Variants in ANGPT4 observed in about 807,000 individuals in gnomAD.
ANGPT4 encodes angiopoietin-4.
A neutral mutation model predicts 53.0 loss-of-function variants in ANGPT4; 50 were observed. The observed-to-expected ratio is 0.94, with a 90% confidence interval of 0.75 to 1.20. ANGPT4 has a LOEUF of 1.20. ANGPT4 is among the 50% of genes most tolerant of loss of function. ANGPT4 has a pLI of 0.00. For synonymous variants in ANGPT4, 251 were observed against 259.7 expected (o/e 0.97, Z 0.32); for missense variants, 648 against 637.1 (o/e 1.02, Z -0.18).
At chr20:889,872 C>G (rs1051292645) in intron 2 of ANGPT4, among the ~76,000 whole-genome samples, 1 of 152,196 alleles carries the variant, frequency 6.6e-6, no homozygotes, top group African/African-American at 2.4e-5. Context: ...CCCAGAGGCC[C>G]AGTGAATTGT....
At chr20:899,396 T>C (rs7262786) in intron 1 of ANGPT4, among the ~76,000 whole-genome samples, 1,587 of 152,024 alleles carry the variant, frequency 0.01, 32 homozygotes, top group African/African-American at 0.036. Flanking sequence ...TACAGGTGCC[T>C]GCCACCACGC....
chr20:897,273 C>G lies in ANGPT4; in HGVS notation c.310-6905G>C, dbSNP rs113304743. Among the ~76,000 whole-genome samples, 1,391 of 152,294 alleles carry G rather than the reference C, an allele frequency of 9.1e-3. 13 individuals are homozygous for G. The highest frequency in any genetic ancestry group is 0.014 in the Non-Finnish European group (984 of 68,030). Reference sequence around the variant, plus strand: ...GGACAGGAGGACTCCTTCAGGAGACCGGTCCCCTGTCCTTGCCCTCATTCC... The same window carrying G: ...GGACAGGAGGACTCCTTCAGGAGACGGGTCCCCTGTCCTTGCCCTCATTCC... On this transcript the variant is annotated intron_variant, in intron 1 of 8. Coordinates refer to ENST00000381922, the MANE Select transcript of ANGPT4 (RefSeq NM_015985.4).
Position 879,832 on chromosome 20 carries a change from T to C in ANGPT4, c.968A>G (p.Gln323Arg). 6.2e-7 allele frequency: 1 copy of C among 1,612,794 alleles called. No individual in the cohort carries two copies. The highest frequency in any genetic ancestry group is 8.5e-7 in the Non-Finnish European group (1 of 1,179,358). ...GAGGGTCCACCTGCCTCCACTGCTC[T>C]GCAGGTCACAGAACACCTGGAGGGG... The part of the protein sequence containing the change: ...TKPRKVFCDL[Q>R]SSGGRWTLIQ... Residue 323 changes from glutamine to arginine, a missense_variant, in exon 6 of 9, where the codon CAG becomes CGG. Coordinates refer to ENST00000381922, the MANE Select transcript of ANGPT4 (RefSeq NM_015985.4).
At chr20:898,410 C>G (rs1982139393) in intron 1 of ANGPT4, among the ~76,000 whole-genome samples, 1 of 152,206 alleles carries the variant, frequency 6.6e-6, no homozygotes, top group South Asian at 2.1e-4. Flanking sequence ...TGACCTCTCC[C>G]AGATCAGTTA....
chr20:909,491 G>A (rs1982616370), intron 1 of ANGPT4, among the ~76,000 whole-genome samples: 2 of 152,274 alleles, frequency 1.3e-5, no homozygotes, highest in Middle Eastern at 3.4e-3. Context: ...GGGAACAAAA[G>A]GAAACTATAG....
rs1168980255 is a variant in ANGPT4 at position 881,191 on chromosome 20, T to G, written c.931A>C (p.Asn311His). The G allele has an allele frequency of 1.3e-6, 2 of 1,596,372 alleles. No individual in the cohort carries two copies. The highest frequency in any genetic ancestry group is 2.3e-5 in the South Asian group (2 of 88,610). Residue 311 changes from asparagine (N) to histidine (H), a missense_variant, in exon 5 of 9, where the codon AAT becomes CAT. Asn to His is a moderately conservative substitution (Grantham distance 68). Transcript: ENST00000381922. ...CTAACCTTCCTGGGCTTCGTTGCAT[T>G]GGACACCTGGATGGTGTAGACACCA... The part of the protein sequence containing the change: ...ASGVYTIQVS[N>H]ATKPRKVFCD...
rs778257398 is a variant in ANGPT4 at position 885,064 on chromosome 20, C to T, written c.835+14G>A. 11 of 1,613,472 alleles carry T rather than the reference C, an allele frequency of 6.8e-6. No homozygotes were observed. Among genetic ancestry groups the T allele is most frequent in the Non-Finnish European group, 7.6e-6 (9 of 1,179,892 alleles). ...CCGTCTTTAGCCACACTGGGGCGCA[C>T]ACCGCTCACTCACCCGGGGCCGAGG... is the stretch of plus-strand genomic sequence containing the variant. On this transcript the variant is annotated intron_variant, in intron 4 of 8. Transcript: ENST00000381922.
chr20:899,696 AC>A (rs955777611), intron 1 of ANGPT4, among the ~76,000 whole-genome samples: 24 of 151,942 alleles, frequency 1.6e-4, no homozygotes, highest in African/African-American at 5.8e-4. Flanking sequence ...TTGCCTATCC[AC>A]CCTGTGGTGC....
At chr20:895,529 A>G (rs1982012087) in intron 1 of ANGPT4, among the ~76,000 whole-genome samples, 1 of 152,130 alleles carries the variant, frequency 6.6e-6, no homozygotes, top group South Asian at 2.1e-4. Flanking sequence ...TCTTGAAGGA[A>G]AAGAAAGAAA....
chr20:879,949 G>A (rs368788976), intron 5 of ANGPT4, 101 bp from the exon 6 acceptor site: 161 of 695,138 alleles, frequency 2.3e-4, no homozygotes, highest in Middle Eastern at 3.9e-4. Flanking sequence ...CCCCCACAGA[G>A]CAACAGGTGA....
chr20:903,105 C>A (rs1485731998), intron 1 of ANGPT4, among the ~76,000 whole-genome samples: 1 of 152,170 alleles, frequency 6.6e-6, no homozygotes, highest in Non-Finnish European at 1.5e-5. Flanking sequence ...CAGGGTACGA[C>A]CCAGGCTTTA....
intron 1 of ANGPT4, among the ~76,000 whole-genome samples, chr20:895,972 G>A (rs1431753802): frequency 6.6e-6 from 1 of 152,084 alleles, no homozygotes; most frequent in Non-Finnish European, 1.5e-5. Context: ...TGATTTTGCT[G>A]GTGGTTACAT....
rs987928046 is a variant in ANGPT4, at chr20:888,389, C to A, written c.516G>T (p.Leu172=). ...RMDAQMPETF[L]STNKLENQLL... ...GCTGGTTCTCCAGCTTGTTGGTGGA[C>A]AGAAAGGTCTCTGGCATCTGGGCAT... Residue 172 remains leucine, a synonymous_variant, in exon 3 of 9, where the codon CTG becomes CTT. Transcript: ENST00000381922. The A allele has an allele frequency of 8.1e-6, 13 of 1,613,704 alleles. No individual in the cohort carries two copies. The highest frequency in any genetic ancestry group is 9.3e-6 in the Non-Finnish European group (11 of 1,179,960).
chr20:913,864 G>T (rs1414478436), intron 1 of ANGPT4, among the ~76,000 whole-genome samples: 1 of 152,224 alleles, frequency 6.6e-6, no homozygotes, highest in African/African-American at 2.4e-5. Context: ...GCTGGGTGGT[G>T]GTGTCACCCT....
At chr20:890,902 A>G (rs995901384) in intron 1 of ANGPT4, among the ~76,000 whole-genome samples, 1 of 152,126 alleles carries the variant, frequency 6.6e-6, no homozygotes, top group Non-Finnish European at 1.5e-5. Context: ...CCTGATCCGC[A>G]TCTGCGTGGC....
intron 6 of ANGPT4, among the ~76,000 whole-genome samples, chr20:878,759 G>T (rs1158101141): frequency 6.6e-6 from 1 of 152,184 alleles, no homozygotes; most frequent in Non-Finnish European, 1.5e-5. Context: ...TTAGACACAT[G>T]TACGTTAAAC....
rs1243776335 is a variant in ANGPT4, at chr20:878,298, C to A, written c.1083G>T (p.Trp361Cys). The A allele has an allele frequency of 3.4e-5, 54 of 1,608,656 alleles. No homozygotes were observed. The highest frequency in any genetic ancestry group is 4.6e-5 in the Non-Finnish European group (54 of 1,175,618). ...GCTGGTGCACCACTTCATTGCCCAG[C>A]CAGTGCTCCCCAGCTGGGTCTCCGA... Reference protein sequence around the residue: ...QGFGDPAGEHWLGNEVVHQLT... With the variant: ...QGFGDPAGEHCLGNEVVHQLT... Residue 361 changes from tryptophan to cysteine, a missense_variant, in exon 7 of 9, where the codon TGG becomes TGT. Coordinates refer to ENST00000381922, the MANE Select transcript of ANGPT4 (RefSeq NM_015985.4).
rs780095528 is a variant in ANGPT4, at chr20:885,198, G to C, written c.715C>G (p.Arg239Gly). ...RQSAALTNIE[R>G]GLRGVRHNSS... ...TTGTGCCTGACACCGCGCAGGCCGC[G>C]CTCGATGTTGGTGAGGGCGGCGCTC... The change falls in exon 4 of 9, where the codon CGC becomes GGC. Residue 239 changes from arginine (R) to glycine (G), a missense_variant. Coordinates refer to ENST00000381922, the MANE Select transcript of ANGPT4 (RefSeq NM_015985.4). The C allele has an allele frequency of 1.2e-6, 2 of 1,600,578 alleles. No homozygotes were observed. Among genetic ancestry groups the C allele is most frequent in the South Asian group, 1.1e-5 (1 of 89,326 alleles).
chr20:876,489 C>T (rs882807), intron 7 of ANGPT4, among the ~76,000 whole-genome samples: 21,801 of 152,132 alleles, frequency 0.14, 2,130 homozygotes, highest in African/African-American at 0.28. Flanking sequence ...AAGGCTGCCA[C>T]GAGACAGTGA....
Sources: allele counts gnomAD v4.1 joint callset (sites outside exome capture counted in the v4.1 genomes callset), GRCh38; gene constraint gnomAD v4.1.1; transcripts MANE v1.5; gene names NCBI Gene and HGNC (gene_info 2026-07-23, HGNC 2026-07-21).